Variants in UBE2Q1 observed in about 807,000 individuals in gnomAD.
UBE2Q1 encodes the protein ubiquitin conjugating enzyme E2 Q1.
Under a neutral mutation model 60.1 loss-of-function variants are expected in UBE2Q1, and 6 were observed. The observed-to-expected ratio is 0.10, with a 90% confidence interval of 0.05 to 0.20. The LOEUF (loss-of-function observed/expected upper bound fraction) is 0.20. Among genes scored for constraint, UBE2Q1 ranks in the 10% least tolerant of loss-of-function variants. The pLI is 1.00. For synonymous variants in UBE2Q1, 226 were observed against 208.3 expected (o/e 1.09, Z -0.73); for missense variants, 262 against 525.8 (o/e 0.50, Z 4.91).
chr1:154,558,181 C>G, intron 1 of UBE2Q1, 46 bp downstream of exon 1: 1 of 1,443,346 alleles, frequency 6.9e-7, no homozygotes, highest in Admixed American at 2.5e-5. Context: ...GATCCTGGGT[C>G]CCTGACAAGG....
chr1:154,554,573 T>C, intron 4 of UBE2Q1, 162 bp downstream of exon 4: 1 of 684,634 alleles, frequency 1.5e-6, no homozygotes, highest in Non-Finnish European at 2.4e-6. Context: ...ATGGGTGCCC[T>C]GTCTCCTCTA....
Position 154,549,145 on chromosome 1 carries a change from A to C in UBE2Q1, c.*1293T>G, listed in dbSNP as rs1228700654. 6 of 152,352 alleles carry C rather than the reference A, an allele frequency of 3.9e-5. No individual in the cohort carries two copies. The highest frequency in any genetic ancestry group is 4.1e-4 in the South Asian group (2 of 4,830). 9.4% of individuals were successfully genotyped at this position (152,352 alleles called of 1,614,324 possible). ...GAGTCCCAGAGCAAGCTTACAGACA[A>C]AGAGATGCAGGCAGCACCCGCTAGA... On this transcript the variant is annotated 3_prime_UTR_variant, in exon 13 of 13. Transcript: ENST00000292211.
rs760511660 is a variant in UBE2Q1, at chr1:154,558,274, G to A, written c.280C>T (p.Arg94Trp). 1.9e-6 allele frequency: 3 copies of A among 1,576,422 alleles called. No homozygotes were observed. The South Asian group carries it at 3.4e-5, about 18-fold the overall frequency. The change falls in exon 1 of 13, where the codon CGG (arginine) becomes TGG (tryptophan). Residue 94 changes from arginine (R) to tryptophan (W), a missense_variant. Arg to Trp is a moderately radical substitution (Grantham distance 101). This residue lies in a region of UBE2Q1 where 49 missense variants were observed against 32.5 expected (regional missense o/e 1.51). Transcript: ENST00000292211. ...GAAPGPHLPPRGSVPGDPVRI... is the reference protein window; with the variant it reads ...GAAPGPHLPPWGSVPGDPVRI... The stretch of plus-strand genomic sequence containing the variant: ...ACAGGATCCCCAGGCACCGACCCCC[G>A]TGGGGGGAGATGCGGTCCGGGCGCG...
chr1:154,548,788 T>C lies in UBE2Q1; in HGVS notation c.*1650A>G, dbSNP rs547884331. 1 of 152,620 alleles carries C rather than the reference T, an allele frequency of 6.6e-6. No homozygotes were observed. The highest frequency in any genetic ancestry group is 1.9e-4 in the East Asian group (1 of 5,190). The allele number at this position is 152,620 out of a possible 1,614,324, so 9.5% of individuals were successfully genotyped here. A position where few individuals can be genotyped will look rare whatever the true frequency, so the allele number is the denominator to read the frequency against. On this transcript the variant is annotated 3_prime_UTR_variant, in exon 13 of 13. Coordinates refer to ENST00000292211, the MANE Select transcript of UBE2Q1 (RefSeq NM_017582.7). ...GAATTTTCCCCTTATGTCCCGTCTT[T>C]ATCTCAACCTCAGCATGTTTTATTA... is the stretch of plus-strand genomic sequence containing the variant.
chr1:154,552,917 GA>G, intron 5 of UBE2Q1, 97 bp from the exon 6 acceptor site: 1 of 1,588,730 alleles, frequency 6.3e-7, no homozygotes, highest in Non-Finnish European at 8.6e-7. Flanking sequence ...CAGGATTTAA[GA>G]AAGGATTAGG....
In UBE2Q1 at chr1:154,552,195, C is replaced by T; in HGVS notation, c.876-12G>A. 1.2e-6 allele frequency: 2 copies of T among 1,614,176 alleles called. No individual in the cohort carries two copies. The highest frequency in any genetic ancestry group is 2.2e-5 in the South Asian group (2 of 91,088). Reference sequence around the variant, plus strand: ...TGTCCTGGTCAACTCTAAGAAGCAACAAGCCTGGGCTCAGATGCCTGGTTC... The same window carrying T: ...TGTCCTGGTCAACTCTAAGAAGCAATAAGCCTGGGCTCAGATGCCTGGTTC... On this transcript the variant is annotated splice_polypyrimidine_tract_variant and intron_variant, in intron 7 of 12. Coordinates refer to ENST00000292211, the MANE Select transcript of UBE2Q1 (RefSeq NM_017582.7).
intron 7 of UBE2Q1, 56 bp downstream of exon 7, chr1:154,552,348 T>G: frequency 1.2e-6 from 2 of 1,604,128 alleles, no homozygotes; most frequent in Non-Finnish European, 1.7e-6. Flanking sequence ...CCCACCACAG[T>G]AGCCCCACTC....
rs1412526169 is a variant in UBE2Q1 at position 154,550,565 on chromosome 1, G to A, written c.1238-96C>T. 5 of 1,590,398 alleles carry A rather than the reference G, an allele frequency of 3.1e-6. No individual in the cohort carries two copies. In the African/African-American group the frequency reaches 5.4e-5, roughly 17 times the overall value. On this transcript the variant is annotated intron_variant, in intron 12 of 12. Transcript: ENST00000292211. Reference sequence around the variant, plus strand: ...AAGACGTCTCCAGTGGCAGAGATAAGAGGATATTGGGGAGGGCTATGCTGT... The same window carrying A: ...AAGACGTCTCCAGTGGCAGAGATAAAAGGATATTGGGGAGGGCTATGCTGT...
rs1695933838 is a variant in UBE2Q1, at chr1:154,558,471, C to T, written c.83G>A (p.Gly28Glu). Residue 28 changes from glycine to glutamate, a missense_variant, in exon 1 of 13, where the codon GGG becomes GAG. Around this residue, in one of 5 missense-constraint regions of UBE2Q1, gnomAD observed 70 missense variants for 56.7 expected, o/e 1.24. Coordinates refer to ENST00000292211, the MANE Select transcript of UBE2Q1 (RefSeq NM_017582.7). ...CCCCGGGCCCCCCCCTGGGCCGCCC[C>T]CGGCCCCCGGCGCCGCCCCCTGGCC... ...LGGQGAAPGA[G>E]GGPGGGPGPG... is the part of the protein sequence containing the mutation. 1 of 1,309,276 alleles carries T rather than the reference C, an allele frequency of 7.6e-7. No individual in the cohort carries two copies. Among genetic ancestry groups the T allele is most frequent in the African/African-American group, 1.6e-5 (1 of 63,586 alleles). 81.1% of individuals were successfully genotyped at this position (1,309,276 alleles called of 1,614,324 possible).
At chr1:154,556,214 C>T (rs987842887) in intron 1 of UBE2Q1, among the ~76,000 whole-genome samples, 5 of 152,072 alleles carry the variant, frequency 3.3e-5, no homozygotes, top group Non-Finnish European at 7.4e-5. Flanking sequence ...TTTCTTTCCT[C>T]GAGAGTACAA....
At chr1:154,552,313 T>C in intron 7 of UBE2Q1, 91 bp downstream of exon 7, 1 of 1,594,512 alleles carries the variant, frequency 6.3e-7, no homozygotes, top group Non-Finnish European at 8.6e-7. Context: ...TGAATGAAAA[T>C]GCTGGATGGG....
intron 1 of UBE2Q1, among the ~76,000 whole-genome samples, chr1:154,556,622 A>T (rs1007384135): frequency 6.6e-6 from 1 of 152,204 alleles, no homozygotes; most frequent in African/African-American, 2.4e-5. Flanking sequence ...AAAGAAGCCT[A>T]CGCTACTGAC....
At chr1:154,552,381 C>T in intron 7 of UBE2Q1, 23 bp downstream of exon 7, 1 of 1,613,852 alleles carries the variant, frequency 6.2e-7, no homozygotes, top group African/African-American at 1.3e-5. Flanking sequence ...AACTTCCTCT[C>T]CAATCCCAGA....
In UBE2Q1 at chr1:154,554,722, G is replaced by T. The variant is rs1230652155; in HGVS notation, c.588+13C>A. The T allele has an allele frequency of 6.2e-6, 10 of 1,612,954 alleles. No homozygotes were observed. In the Admixed American group the frequency reaches 8.3e-5, roughly 13 times the overall value. On this transcript the variant is annotated intron_variant, in intron 4 of 12. Transcript: ENST00000292211. ...GAGCTTCCAGCCAATGCCACCTCAG[G>T]GGGCAAGCCTACCTCAGGCATCTCC...
rs1031788020 is a variant in UBE2Q1 at position 154,555,573 on chromosome 1, C to G, written c.433-41G>C. 5 of 1,576,916 alleles carry G rather than the reference C, an allele frequency of 3.2e-6. No homozygotes were observed. The African/African-American group carries it at 6.7e-5, about 21-fold the overall frequency. On this transcript the variant is annotated intron_variant, in intron 2 of 12. Coordinates refer to ENST00000292211, the MANE Select transcript of UBE2Q1 (RefSeq NM_017582.7). ...CACAGAGACATCAAATCCTTCCCCACTCCGATCTGGATAAGTGCATGGATG... is the reference window on the plus strand; with the variant it reads ...CACAGAGACATCAAATCCTTCCCCAGTCCGATCTGGATAAGTGCATGGATG...
rs531098568 is a variant in UBE2Q1 at position 154,558,404 on chromosome 1, G to A, written c.150C>T (p.Ser50=). 56 of 1,525,302 alleles carry A rather than the reference G, an allele frequency of 3.7e-5. No homozygotes were observed. In the Admixed American group the frequency reaches 4.3e-4, roughly 12 times the overall value. The allele number at this position is 1,525,302 out of a possible 1,614,324, so 94.5% of individuals were successfully genotyped here. The change falls in exon 1 of 13, where the codon TCC becomes TCT. Residue 50 remains serine, a synonymous_variant. Coordinates refer to ENST00000292211, the MANE Select transcript of UBE2Q1 (RefSeq NM_017582.7). The part of the protein sequence containing the change: ...CLRRELKLLE[S]IFHRGHERFR... The stretch of plus-strand genomic sequence containing the variant: ...AGCGCTCGTGGCCGCGGTGGAAGAT[G>A]GACTCGAGCAGCTTCAGCTCTCGCC...
At position 154,549,512 on chromosome 1, in the gene UBE2Q1, G is replaced by A. The variant is rs1695755021; in HGVS notation, c.*926C>T. The A allele has an allele frequency of 6.5e-6, 1 of 152,728 alleles. No homozygotes were observed. Among genetic ancestry groups the A allele is most frequent in the East Asian group, 1.9e-4 (1 of 5,202 alleles). 9.5% of individuals were successfully genotyped at this position (152,728 alleles called of 1,614,324 possible). A position where few individuals can be genotyped will look rare whatever the true frequency, so the allele number is the denominator to read the frequency against. On this transcript the variant is annotated 3_prime_UTR_variant, in exon 13 of 13. Transcript: ENST00000292211. ...GCTGGTTAGAAGCCACTTTCCAGGAGAGGAACCAATGAACAGCGAAGAGTT... is the reference window on the plus strand; with the variant it reads ...GCTGGTTAGAAGCCACTTTCCAGGAAAGGAACCAATGAACAGCGAAGAGTT...
At chr1:154,554,867 C>T in intron 3 of UBE2Q1, 82 bp from the exon 4 acceptor site, 1 of 1,487,860 alleles carries the variant, frequency 6.7e-7, no homozygotes, top group Non-Finnish European at 9.2e-7. Context: ...CCCTGAGCCC[C>T]CAGGTCTGGA....
intron 8 of UBE2Q1, 53 bp from the exon 9 acceptor site, chr1:154,552,032 G>A: frequency 6.2e-7 from 1 of 1,613,860 alleles, no homozygotes; most frequent in South Asian, 1.1e-5. Context: ...TCCTCCACAG[G>A]ACTGTCAGGC....
Sources: gnomAD v4.1 joint callset for allele counts (sites outside exome capture counted in the v4.1 genomes callset) on GRCh38, gnomAD v4.1.1 for gene constraint, gnomAD v4.1.1 regional missense constraint, MANE v1.5 for transcripts, NCBI Gene and HGNC (gene_info 2026-07-23, HGNC 2026-07-21) for gene names.